ELP3: variants seen among roughly 807,000 people sequenced by gnomAD.
ELP3 encodes elongator complex protein 3.
Under a neutral mutation model 74.9 loss-of-function variants are expected in ELP3, and 56 were observed. That is an observed-to-expected ratio of 0.75 (90% CI 0.60 to 0.93). The LOEUF (loss-of-function observed/expected upper bound fraction) is 0.93, where lower values mean the gene tolerates loss of function less well. Among genes scored for constraint, ELP3 ranks in the 40% least tolerant of loss-of-function variants. The pLI is 0.00. For synonymous variants in ELP3, 222 were observed against 239.8 expected (o/e 0.93, Z 0.68); for missense variants, 573 against 686.5 (o/e 0.83, Z 1.85).
intron 7 of ELP3, among the ~76,000 whole-genome samples, chr8:28,117,710 T>A (rs1432804264): frequency 3.9e-5 from 6 of 152,170 alleles, no homozygotes; most frequent in African/African-American, 1.4e-4. Context: ...TCTCAGTCTC[T>A]ATATTTTTAT....
intron 7 of ELP3, among the ~76,000 whole-genome samples, chr8:28,123,672 T>A (rs1812458456): frequency 6.6e-6 from 1 of 152,262 alleles, no homozygotes; most frequent in African/African-American, 2.4e-5. Context: ...TTTTACTGAA[T>A]GTATTTTGTA....
At chr8:28,095,266 C>G (rs1811209090) in intron 1 of ELP3, among the ~76,000 whole-genome samples, 1 of 152,228 alleles carries the variant, frequency 6.6e-6, no homozygotes, top group African/African-American at 2.4e-5. Context: ...TCTTGATACA[C>G]TCAAGAGCTA....
At chr8:28,094,068 T>G (rs1322714674) in intron 1 of ELP3, among the ~76,000 whole-genome samples, 1 of 152,230 alleles carries the variant, frequency 6.6e-6, no homozygotes, top group East Asian at 1.9e-4. Flanking sequence ...ACTGTTATTT[T>G]TCTTTCTTCC....
intron 7 of ELP3, chr8:28,113,675 C>G (rs1312043656): frequency 6.6e-6 from 1 of 152,198 alleles, no homozygotes; most frequent in Non-Finnish European, 1.5e-5. Context: ...AATGTATTGG[C>G]TCACAGCTTT....
intron 6 of ELP3, chr8:28,110,655 TTTATA>T: frequency 2.3e-6 from 1 of 432,630 alleles, no homozygotes; most frequent in Non-Finnish European, 4.1e-6. Context: ...GTTTAAGGGT[TTTATA>T]TTCTCTAAGT....
intron 10 of ELP3, among the ~76,000 whole-genome samples, chr8:28,142,729 A>G (rs1466904358): frequency 6.6e-6 from 1 of 152,216 alleles, no homozygotes; most frequent in Admixed American, 6.5e-5. Flanking sequence ...AACTGTGAAT[A>G]TGATCATTTG....
At chr8:28,119,769 G>A (rs967672302) in intron 7 of ELP3, among the ~76,000 whole-genome samples, 16 of 151,380 alleles carry the variant, frequency 1.1e-4, no homozygotes, top group African/African-American at 3.4e-4. Flanking sequence ...CCTCCCCTGC[G>A]CCTCCCAGAG....
chr8:28,186,278 G>A (rs1815237093), intron 14 of ELP3, among the ~76,000 whole-genome samples: 1 of 152,156 alleles, frequency 6.6e-6, no homozygotes, highest in Non-Finnish European at 1.5e-5. Context: ...GTACCACAGT[G>A]TGAATGTATT....
chr8:28,187,041 C>A (rs1448383544), intron 14 of ELP3, among the ~76,000 whole-genome samples: 4 of 152,180 alleles, frequency 2.6e-5, no homozygotes, highest in Non-Finnish European at 4.4e-5. Context: ...ATTCCTCTTG[C>A]AAGCTCTTCC....
intron 14 of ELP3, among the ~76,000 whole-genome samples, chr8:28,173,011 A>G (rs956174822): frequency 6.6e-6 from 1 of 151,964 alleles, no homozygotes; most frequent in Admixed American, 6.6e-5. Flanking sequence ...AATCCTTTTA[A>G]TATGCTGGTA....
chr8:28,125,243 T>G (rs1473009291), intron 7 of ELP3, among the ~76,000 whole-genome samples: 1 of 152,198 alleles, frequency 6.6e-6, no homozygotes, highest in Non-Finnish European at 1.5e-5. Flanking sequence ...GAGAAGAGAT[T>G]GTATGTTGTG....
chr8:28,178,721 C>T (rs969046141), intron 14 of ELP3, among the ~76,000 whole-genome samples: 3 of 152,156 alleles, frequency 2.0e-5, no homozygotes, highest in Non-Finnish European at 4.4e-5. Flanking sequence ...GAGGATTCTG[C>T]CAAGTGGCTT....
intron 10 of ELP3, among the ~76,000 whole-genome samples, chr8:28,141,467 G>A (rs1585699658): frequency 6.6e-6 from 1 of 152,258 alleles, no homozygotes; most frequent in African/African-American, 2.4e-5. Flanking sequence ...TTCTGAACTG[G>A]GTCCTTTGGC....
chr8:28,172,718 C>A (rs1483023853), intron 14 of ELP3, among the ~76,000 whole-genome samples: 1 of 151,996 alleles, frequency 6.6e-6, no homozygotes, highest in Non-Finnish European at 1.5e-5. Flanking sequence ...GGCTTCTGAT[C>A]TTAGGGGGAG....
rs554115277 is a variant in ELP3, at chr8:28,123,080, C to T, written c.618-6422C>T. ...CAGAGGTTGCAGTGAGCCAAGATCACGCCACTGCCCTCCAGGCTGGATAAC... is the reference window on the plus strand; with the variant it reads ...CAGAGGTTGCAGTGAGCCAAGATCATGCCACTGCCCTCCAGGCTGGATAAC... On this transcript the variant is annotated intron_variant, in intron 7 of 14. Transcript: ENST00000256398. Among the ~76,000 whole-genome samples, 9 of 152,274 alleles carry T rather than the reference C, an allele frequency of 5.9e-5. No individual in the cohort carries two copies. In the East Asian group the frequency reaches 7.7e-4, roughly 13 times the overall value.
At chr8:28,170,303 C>A (rs570677857) in intron 14 of ELP3, among the ~76,000 whole-genome samples, 1 of 152,306 alleles carries the variant, frequency 6.6e-6, no homozygotes, top group Admixed American at 6.5e-5. Flanking sequence ...GCATTCAGTA[C>A]CTCTAATGCC....
rs184862125 is a variant in ELP3 at position 28,171,492 on chromosome 8, T to C, written c.1567+9414T>C. On this transcript the variant is annotated intron_variant, in intron 14 of 14. Coordinates refer to ENST00000256398, the MANE Select transcript of ELP3 (RefSeq NM_018091.6). ...TAGAGAGATGTCTATTTGGGTCTGT[T>C]GCCCATTTCTTAACTGGATTGTTTG... Among the ~76,000 whole-genome samples, 118 of 152,334 alleles carry C rather than the reference T, an allele frequency of 7.7e-4. 1 individual carries two copies. In the East Asian group the frequency reaches 0.017, roughly 22 times the overall value.
intron 7 of ELP3, among the ~76,000 whole-genome samples, chr8:28,121,191 C>A (rs933419386): frequency 6.6e-6 from 1 of 151,974 alleles, no homozygotes; most frequent in South Asian, 2.1e-4. Flanking sequence ...TTTTTAAATT[C>A]TCTTAGCAAT....
chr8:28,126,156 G>C (rs989405980), intron 7 of ELP3, among the ~76,000 whole-genome samples: 12 of 152,150 alleles, frequency 7.9e-5, no homozygotes, highest in Non-Finnish European at 4.4e-5. Context: ...CTTGTAGTGT[G>C]GGCAGGGTGC....
Sources: gnomAD v4.1 joint callset for allele counts (sites outside exome capture counted in the v4.1 genomes callset) on GRCh38, gnomAD v4.1.1 for gene constraint, MANE v1.5 for transcripts, NCBI Gene and HGNC (gene_info 2026-07-23, HGNC 2026-07-21) for gene names.